Variants in ATF7IP2 observed in about 807,000 individuals in gnomAD.
ATF7IP2 encodes activating transcription factor 7-interacting protein 2.
Under a neutral mutation model 64.2 loss-of-function variants are expected in ATF7IP2, and 42 were observed. That is an observed-to-expected ratio of 0.65 (90% CI 0.51 to 0.85). ATF7IP2 has a LOEUF of 0.85. Ranked by LOEUF, ATF7IP2 falls within the 40% of genes least tolerant of loss-of-function variation. The pLI is 0.00. For synonymous variants in ATF7IP2, 308 were observed against 272.8 expected (o/e 1.13, Z -1.27); for missense variants, 933 against 784.2 (o/e 1.19, Z -2.27).
At chr16:10,445,196 T>A (rs1024127692) in intron 8 of ATF7IP2, 2 of 152,230 alleles carry the variant, frequency 1.3e-5, no homozygotes, top group African/African-American at 4.8e-5. Context: ...TTGATGCAGC[T>A]GAGACAAGAC....
intron 12 of ATF7IP2, among the ~76,000 whole-genome samples, chr16:10,478,965 C>G (rs1275887279): frequency 6.6e-6 from 1 of 151,876 alleles, no homozygotes; most frequent in Non-Finnish European, 1.5e-5. Flanking sequence ...CATCTCACAC[C>G]AGTTAGAATG....
intron 9 of ATF7IP2, among the ~76,000 whole-genome samples, chr16:10,467,623 C>G (rs1266913226): frequency 1.3e-5 from 2 of 150,032 alleles, no homozygotes; most frequent in African/African-American, 4.9e-5. Context: ...GGCTGGAGTG[C>G]AGTGGTGTAT....
chr16:10,459,483 A>G (rs1271922668), intron 9 of ATF7IP2, among the ~76,000 whole-genome samples: 1 of 150,562 alleles, frequency 6.6e-6, no homozygotes, highest in African/African-American at 2.4e-5. Flanking sequence ...GAAAAAAAAA[A>G]AAAAAAATAC....
At position 10,473,794 on chromosome 16, in the gene ATF7IP2, A is replaced by T. The variant is rs2049896741; in HGVS notation, c.1483-129A>T. ...AGTTAAACCACAAGAGACTTAGAGA[A>T]TGTTCCATCTCTAGTTTCCGAATGG... On this transcript the variant is annotated intron_variant, in intron 11 of 13. Transcript: ENST00000562102. 3 of 651,514 alleles carry T rather than the reference A, an allele frequency of 4.6e-6. No homozygotes were observed. The Admixed American group carries it at 9.2e-5, about 20-fold the overall frequency. 40.4% of individuals were successfully genotyped at this position (651,514 alleles called of 1,614,324 possible). A position where few individuals can be genotyped will look rare whatever the true frequency, so the allele number is the denominator to read the frequency against.
chr16:10,430,951 C>G lies in ATF7IP2; in HGVS notation c.331C>G (p.Gln111Glu), dbSNP rs1397458745. The G allele has an allele frequency of 1.2e-6, 2 of 1,614,060 alleles. No homozygotes were observed. Among genetic ancestry groups the G allele is most frequent in the South Asian group, 1.1e-5 (1 of 91,080 alleles). Residue 111 changes from glutamine to glutamate, a missense_variant, in exon 5 of 14, where the codon CAA becomes GAA. Transcript: ENST00000562102. ...EIVHSETKLE[Q>E]VVCSYQKPSR... ...TGTTCATTCAGAAACAAAATTGGAA[C>G]AAGTTGTTTGTTCGTACCAAAAGCC...
intron 1 of ATF7IP2, among the ~76,000 whole-genome samples, chr16:10,410,803 A>T (rs183512437): frequency 3.3e-5 from 5 of 152,274 alleles, no homozygotes; most frequent in Admixed American, 6.5e-5. Flanking sequence ...TCCTGATTTA[A>T]ATGTTTTCAA....
At chr16:10,433,117 G>C (rs1408255910) in intron 5 of ATF7IP2, among the ~76,000 whole-genome samples, 1 of 152,094 alleles carries the variant, frequency 6.6e-6, no homozygotes, top group East Asian at 1.9e-4. Context: ...AAATGCTGCA[G>C]TGTCACATTT....
chr16:10,448,047 G>C (rs1296638772), intron 8 of ATF7IP2: 1 of 152,194 alleles, frequency 6.6e-6, no homozygotes, highest in African/African-American at 2.4e-5. Flanking sequence ...CCCATTGCTT[G>C]TTTTGGTCAG....
chr16:10,427,665 G>A (rs191367193), intron 3 of ATF7IP2, among the ~76,000 whole-genome samples: 2 of 152,198 alleles, frequency 1.3e-5, no homozygotes, highest in East Asian at 3.9e-4. Flanking sequence ...AGACTAGCGT[G>A]GGCAACATAG....
intron 1 of ATF7IP2, among the ~76,000 whole-genome samples, chr16:10,411,733 T>G (rs2047763752): frequency 1.3e-5 from 2 of 152,138 alleles, no homozygotes; most frequent in South Asian, 4.1e-4. Context: ...TCAGGGTATC[T>G]ACTTCTTCCT....
Position 10,429,811 on chromosome 16 carries a change from CATTT to C in ATF7IP2, c.-10-795_-10-792del, listed in dbSNP as rs1022753735. Among the ~76,000 whole-genome samples the C allele has an allele frequency of 8.6e-4, 101 of 117,502 alleles. 1 individual carries two copies. In the Middle Eastern group the frequency reaches 0.02, roughly 23 times the overall value. The allele number at this position is 117,502 out of a possible 152,430, so 77.1% of individuals were successfully genotyped here. ...AATTTTTATTTTATTTATTTTACTT[CATTT>C]ATTTTATTTTTATTTTGTTTTATTT... On this transcript the variant is annotated intron_variant, in intron 4 of 13. Transcript: ENST00000562102.
intron 1 of ATF7IP2, among the ~76,000 whole-genome samples, chr16:10,409,626 G>A (rs926782618): frequency 1.3e-5 from 2 of 151,968 alleles, no homozygotes; most frequent in Admixed American, 6.6e-5. Flanking sequence ...AGGGTTTCAC[G>A]GCGTTAGCCA....
intron 9 of ATF7IP2, among the ~76,000 whole-genome samples, chr16:10,458,046 A>T (rs559658109): frequency 1.3e-5 from 2 of 152,334 alleles, no homozygotes; most frequent in East Asian, 3.9e-4. Flanking sequence ...GAAAACATAC[A>T]ATCAAAAATA....
intron 12 of ATF7IP2, among the ~76,000 whole-genome samples, chr16:10,475,647 C>T (rs1187647991): frequency 2.8e-5 from 4 of 142,410 alleles, no homozygotes; most frequent in African/African-American, 5.2e-5. Context: ...GAGCCGAGAT[C>T]GCGCCACTGC....
chr16:10,481,692 C>T lies in ATF7IP2; in HGVS notation c.1636-144C>T, dbSNP rs546195428. 2.0e-3 allele frequency: 1,404 copies of T among 687,842 alleles called. 4 individuals are homozygous for T. The highest frequency in any genetic ancestry group is 2.9e-3 in the Non-Finnish European group (1,229 of 428,536). 42.6% of individuals were successfully genotyped at this position (687,842 alleles called of 1,614,324 possible). A position where few individuals can be genotyped will look rare whatever the true frequency, so the allele number is the denominator to read the frequency against. ...ATCTTAAATCCAAAAGAGGATTCTG[C>T]TTAAAGGACTGGATCCAGCCTCACA... On this transcript the variant is annotated intron_variant, in intron 13 of 13. Coordinates refer to ENST00000562102, the MANE Select transcript of ATF7IP2 (RefSeq NM_001393719.1).
At position 10,431,412 on chromosome 16, in the gene ATF7IP2, T is replaced by TGCTCACATG. The variant is rs755025687; in HGVS notation, c.794_795insTCACATGGC (p.Ala265_Asp266insHisMetAla). 1 of 1,610,674 alleles carries TGCTCACATG rather than the reference T, an allele frequency of 6.2e-7. No individual in the cohort carries two copies. Among genetic ancestry groups the TGCTCACATG allele is most frequent in the African/African-American group, 1.3e-5 (1 of 75,002 alleles). ...GAACCAGTATTTCAAATTGTGAAAGTGCAGACTCAACATGGCAGTCATCAC... is the reference window on the plus strand; with the variant it reads ...GAACCAGTATTTCAAATTGTGAAAGTGCTCACATGGCAGACTCAACATGGCAGTCATCAC... On this transcript the variant is annotated inframe_insertion, in exon 5 of 14. Transcript: ENST00000562102.
intron 1 of ATF7IP2, chr16:10,386,423 G>A (rs1184464860): frequency 6.6e-6 from 1 of 152,304 alleles, no homozygotes; most frequent in African/African-American, 2.4e-5. Context: ...ACTGCGGAGG[G>A]AAGTGGTGCG....
At chr16:10,465,744 CAAA>C (rs1167779448) in intron 9 of ATF7IP2, among the ~76,000 whole-genome samples, 3 of 149,514 alleles carry the variant, frequency 2.0e-5, no homozygotes, top group African/African-American at 7.4e-5. Context: ...GGCCCAAAAA[CAAA>C]AAAGAGCTTT....
At chr16:10,406,510 G>A (rs1005040848) in intron 1 of ATF7IP2, among the ~76,000 whole-genome samples, 10 of 152,148 alleles carry the variant, frequency 6.6e-5, no homozygotes, top group Admixed American at 5.9e-4. Context: ...GATCATTGCA[G>A]AAGAAACAAA....
Sources: gnomAD v4.1 joint callset for allele counts (sites outside exome capture counted in the v4.1 genomes callset) on GRCh38, gnomAD v4.1.1 for gene constraint, MANE v1.5 for transcripts, NCBI Gene and HGNC (gene_info 2026-07-23, HGNC 2026-07-21) for gene names.